The following EBF1 variants were observed in gnomAD, a reference collection of about 807,000 sequenced individuals.
EBF1 encodes the protein transcription factor COE1.
Under a neutral mutation model 68.4 loss-of-function variants are expected in EBF1, and 10 were observed. The observed-to-expected ratio is 0.15, with a 90% CI of 0.09 to 0.25. The LOEUF (loss-of-function observed/expected upper bound fraction) is 0.25. Ranked by LOEUF, EBF1 falls within the 10% of genes least tolerant of loss-of-function variation. The probability of loss-of-function intolerance (pLI) is 1.00; values close to 1 mark genes in which losing one functional copy is unlikely to be tolerated. For synonymous variants in EBF1, 298 were observed against 299.8 expected (o/e 0.99, Z 0.06); for missense variants, 509 against 794.4 (o/e 0.64, Z 4.32).
intron 6 of EBF1, among the ~76,000 whole-genome samples, chr5:158,952,015 T>A (rs1816121263): frequency 6.6e-6 from 1 of 152,178 alleles, no homozygotes; most frequent in East Asian, 1.9e-4. Context: ...CAGGAGTTTT[T>A]CATCCTGAAA....
chr5:158,934,464 A>G (rs987978894), intron 6 of EBF1, among the ~76,000 whole-genome samples: 1 of 152,220 alleles, frequency 6.6e-6, no homozygotes, highest in African/African-American at 2.4e-5. Context: ...GGAAGCTTCC[A>G]GAGTGAAAGA....
intron 6 of EBF1, among the ~76,000 whole-genome samples, chr5:158,979,139 G>A (rs1757415541): frequency 6.6e-6 from 1 of 152,104 alleles, no homozygotes; most frequent in African/African-American, 2.4e-5. Context: ...AAAAAGGTTT[G>A]GAGACTATAG....
chr5:158,782,942 A>AC (rs1455176138), intron 9 of EBF1, among the ~76,000 whole-genome samples: 2 of 152,208 alleles, frequency 1.3e-5, no homozygotes, highest in Middle Eastern at 3.4e-3. Context: ...GCTTGAGACC[A>AC]CTGCTTGTAT....
chr5:159,094,988 A>C (rs1782331210), intron 4 of EBF1, among the ~76,000 whole-genome samples: 1 of 152,144 alleles, frequency 6.6e-6, no homozygotes, highest in African/African-American at 2.4e-5. Context: ...AATGCCGTCT[A>C]TGTACCTTTA....
At position 158,740,735 on chromosome 5, in the gene EBF1, G is replaced by C. The variant is rs1308723824; in HGVS notation, c.1037-9578C>G. Among the ~76,000 whole-genome samples, 5 of 152,136 alleles carry C rather than the reference G, an allele frequency of 3.3e-5. No individual in the cohort carries two copies. The East Asian group carries it at 9.6e-4, about 29-fold the overall frequency. Reference sequence around the variant, plus strand: ...TTGATTTAAAAATAAATGAAGTCAGGCTTCTTCAGTATTGACCTAACCTAA... The same window carrying C: ...TTGATTTAAAAATAAATGAAGTCAGCCTTCTTCAGTATTGACCTAACCTAA... On this transcript the variant is annotated intron_variant, in intron 10 of 15. Coordinates refer to ENST00000313708, the MANE Select transcript of EBF1 (RefSeq NM_024007.5).
At chr5:158,890,923 CTATT>C (rs1364116199) in intron 6 of EBF1, among the ~76,000 whole-genome samples, 9 of 152,152 alleles carry the variant, frequency 5.9e-5, no homozygotes, top group African/African-American at 2.2e-4. Flanking sequence ...ATTATGGAAA[CTATT>C]TGTTTTCTTC....
intron 9 of EBF1, among the ~76,000 whole-genome samples, chr5:158,780,378 A>C (rs1336882926): frequency 1.3e-5 from 2 of 152,170 alleles, no homozygotes; most frequent in Non-Finnish European, 2.9e-5. Flanking sequence ...AGCCACTCAA[A>C]GCAACAGAAG....
chr5:158,712,911 A>G (rs1397780300), intron 13 of EBF1, 59 bp downstream of exon 13: 1 of 1,385,938 alleles, frequency 7.2e-7, no homozygotes, highest in African/African-American at 1.5e-5. Flanking sequence ...TTCATGACCA[A>G]TAAATGAGGA....
intron 7 of EBF1, among the ~76,000 whole-genome samples, chr5:158,833,134 CTA>C (rs1171224710): frequency 6.6e-6 from 1 of 151,604 alleles, no homozygotes; most frequent in Non-Finnish European, 1.5e-5. Flanking sequence ...TCTCCCTTCT[CTA>C]CTAAAAAAAA....
At chr5:158,992,568 C>T (rs1760553524) in intron 6 of EBF1, among the ~76,000 whole-genome samples, 1 of 152,186 alleles carries the variant, frequency 6.6e-6, no homozygotes, top group African/African-American at 2.4e-5. Context: ...GGAAAAGGGG[C>T]ATTGTCAAAC....
intron 10 of EBF1, among the ~76,000 whole-genome samples, chr5:158,768,374 GATAA>G (rs1773192540): frequency 6.6e-6 from 1 of 150,396 alleles, no homozygotes; most frequent in Admixed American, 6.6e-5. Context: ...AATGAAAAAA[GATAA>G]ATAATATGAT....
At chr5:159,064,528 G>A (rs111804880) in intron 6 of EBF1, among the ~76,000 whole-genome samples, 14 of 152,234 alleles carry the variant, frequency 9.2e-5, no homozygotes, top group South Asian at 4.1e-4. Flanking sequence ...ATACCCCGAC[G>A]TGCTCTAAAA....
At chr5:158,916,096 AGTCAG>A (rs1467789795) in intron 6 of EBF1, among the ~76,000 whole-genome samples, 1 of 152,196 alleles carries the variant, frequency 6.6e-6, no homozygotes, top group Non-Finnish European at 1.5e-5. Context: ...AGTAGACTGC[AGTCAG>A]GTCATACATA....
intron 6 of EBF1, among the ~76,000 whole-genome samples, chr5:158,893,698 T>A (rs1257512408): frequency 2.0e-5 from 3 of 152,202 alleles, no homozygotes; most frequent in Admixed American, 6.5e-5. Context: ...AAATAGGTGT[T>A]CAAGGGATGC....
intron 14 of EBF1, among the ~76,000 whole-genome samples, chr5:158,711,638 T>C (rs1053612748): frequency 1.3e-5 from 2 of 152,160 alleles, no homozygotes; most frequent in South Asian, 2.1e-4. Flanking sequence ...ATGACAAATA[T>C]GGTGTCCTCA....
chr5:159,081,195 G>A (rs766830230), intron 5 of EBF1, among the ~76,000 whole-genome samples: 1 of 152,024 alleles, frequency 6.6e-6, no homozygotes. Flanking sequence ...GTTGCCCAGG[G>A]CAGTCTTGAA....
intron 4 of EBF1, among the ~76,000 whole-genome samples, chr5:159,087,593 G>T (rs1034584609): frequency 2.0e-5 from 3 of 151,832 alleles, no homozygotes. Context: ...AAGACTGCTG[G>T]TTCCATTGAA....
chr5:158,788,612 T>G (rs6874808), intron 9 of EBF1, among the ~76,000 whole-genome samples: 1 of 152,056 alleles, frequency 6.6e-6, no homozygotes, highest in Non-Finnish European at 1.5e-5. Flanking sequence ...GCCAACCTAG[T>G]GATCAGCAAT....
At chr5:158,789,729 G>A (rs1778215086) in intron 9 of EBF1, among the ~76,000 whole-genome samples, 1 of 152,168 alleles carries the variant, frequency 6.6e-6, no homozygotes, top group Admixed American at 6.5e-5. Context: ...CTTAAAATGT[G>A]GTGACTCTAC....
Sources: gnomAD v4.1 joint callset for allele counts (sites outside exome capture counted in the v4.1 genomes callset) on GRCh38, gnomAD v4.1.1 for gene constraint, MANE v1.5 for transcripts, NCBI Gene and HGNC (gene_info 2026-07-23, HGNC 2026-07-21) for gene names.